The following ZFHX3 variants were observed in gnomAD, a reference collection of about 807,000 sequenced individuals.
ZFHX3 encodes the protein zinc finger homeobox protein 3.
A neutral mutation model predicts 279.1 loss-of-function variants in ZFHX3; 42 were observed. The observed-to-expected ratio is 0.15, with a 90% CI of 0.12 to 0.19. The LOEUF (loss-of-function observed/expected upper bound fraction) is 0.19. Ranked by LOEUF, ZFHX3 falls within the 10% of genes least tolerant of loss-of-function variation. The pLI is 1.00. For synonymous variants in ZFHX3, 2,293 were observed against 1,957.8 expected, an observed-to-expected ratio of 1.17 and a Z score of -4.52; for missense variants, 4,981 against 4,754.0, an observed-to-expected ratio of 1.05 and a Z score of -1.40.
At chr16:73,501,643 G>A (rs1342460647) in intron 2 of ZFHX3, among the ~76,000 whole-genome samples, 1 of 152,150 alleles carries the variant, frequency 6.6e-6, no homozygotes, top group Non-Finnish European at 1.5e-5. Flanking sequence ...GAAGAATTCC[G>A]CTGAAGACAC....
chr16:72,983,716 AAAAG>A (rs956962458), intron 1 of ZFHX3, among the ~76,000 whole-genome samples: 12 of 148,816 alleles, frequency 8.1e-5, no homozygotes, highest in African/African-American at 1.2e-4. Context: ...CAGAAAAAAA[AAAAG>A]AGAGAGAGAG....
chr16:73,255,176 G>T (rs2013629238), intron 5 of ZFHX3, among the ~76,000 whole-genome samples: 1 of 152,206 alleles, frequency 6.6e-6, no homozygotes, highest in Non-Finnish European at 1.5e-5. Flanking sequence ...ATGCTCAACG[G>T]CTAGGATCAT....
chr16:72,855,767 G>GAA (rs1255898955), intron 4 of ZFHX3, among the ~76,000 whole-genome samples: 1 of 152,158 alleles, frequency 6.6e-6, no homozygotes, highest in Non-Finnish European at 1.5e-5. Flanking sequence ...TCCAGCACGT[G>GAA]AAGAAGCTTA....
At chr16:72,903,036 C>T (rs938865342) in intron 3 of ZFHX3, among the ~76,000 whole-genome samples, 1 of 152,118 alleles carries the variant, frequency 6.6e-6, no homozygotes, top group African/African-American at 2.4e-5. Flanking sequence ...CCCGGTACTG[C>T]AGGAGTCTGA....
intron 2 of ZFHX3, among the ~76,000 whole-genome samples, chr16:73,610,469 C>A (rs1567532624): frequency 6.6e-6 from 1 of 152,174 alleles, no homozygotes; most frequent in Non-Finnish European, 1.5e-5. Flanking sequence ...TCATACATTT[C>A]TTGCTCTGAA....
chr16:73,486,202 T>C (rs2018970946), intron 2 of ZFHX3, among the ~76,000 whole-genome samples: 1 of 152,192 alleles, frequency 6.6e-6, no homozygotes, highest in Non-Finnish European at 1.5e-5. Context: ...GGAAATATCC[T>C]CTCCATTTAC....
At chr16:73,069,105 C>T (rs957521920) in intron 8 of ZFHX3, among the ~76,000 whole-genome samples, 2 of 152,224 alleles carry the variant, frequency 1.3e-5, no homozygotes, top group African/African-American at 4.8e-5. Flanking sequence ...CTGGGCAGGA[C>T]TGGCCAGGCC....
At chr16:73,609,031 A>G (rs2052219252) in intron 2 of ZFHX3, 1 of 152,148 alleles carries the variant, frequency 6.6e-6, no homozygotes, top group African/African-American at 2.4e-5. Context: ...TTACTCATAA[A>G]CTTTGTAACA....
Position 73,807,620 on chromosome 16 carries a change from A to ATTTTTT in ZFHX3, c.-1608+84025_-1608+84030dup, listed in dbSNP as rs55806545. Among the ~76,000 whole-genome samples the ATTTTTT allele has an allele frequency of 2.9e-3, 203 of 70,564 alleles. 6 individuals are homozygous for ATTTTTT. The highest frequency in any genetic ancestry group is 8.8e-3 in the African/African-American group (161 of 18,258). The allele number at this position is 70,564 out of a possible 152,430, so 46.3% of individuals were successfully genotyped here. A position where few individuals can be genotyped will look rare whatever the true frequency, so the allele number is the denominator to read the frequency against. ...TACAGGCACATTCCACCATGCCCCA[A>ATTTTTT]TTTTTTTTTTTTTTTTTTTTTTTTT... On this transcript the variant is annotated intron_variant, in intron 1 of 17. Coordinates refer to the ZFHX3 transcript ENST00000641206.
intron 7 of ZFHX3, chr16:73,098,680 C>T (rs1160316565): frequency 1.3e-5 from 2 of 152,052 alleles, no homozygotes; most frequent in African/African-American, 2.4e-5. Flanking sequence ...ATGTTTTGAC[C>T]ATCACATTTT....
chr16:73,704,779 C>G (rs1175023010), intron 1 of ZFHX3, among the ~76,000 whole-genome samples: 1 of 152,180 alleles, frequency 6.6e-6, no homozygotes, highest in Non-Finnish European at 1.5e-5. Flanking sequence ...AAGCCAGTTA[C>G]CACTAGAGGA....
chr16:72,834,292 T>C (rs543292806), intron 4 of ZFHX3, among the ~76,000 whole-genome samples: 3 of 152,198 alleles, frequency 2.0e-5, no homozygotes, highest in Non-Finnish European at 4.4e-5. Context: ...ACCTCCTTTT[T>C]ACAACTGCTT....
chr16:73,890,261 A>C (rs966888100), intron 1 of ZFHX3, among the ~76,000 whole-genome samples: 7 of 151,854 alleles, frequency 4.6e-5, no homozygotes, highest in South Asian at 4.2e-4. Flanking sequence ...AAAACAACAA[A>C]AAAAAACCTC....
chr16:72,854,922 A>C (rs556606539), intron 4 of ZFHX3, among the ~76,000 whole-genome samples: 10 of 89,798 alleles, frequency 1.1e-4, no homozygotes, highest in African/African-American at 4.6e-4. Context: ...TAGAAATTAA[A>C]ACACAAATTG....
intron 5 of ZFHX3, among the ~76,000 whole-genome samples, chr16:72,824,989 T>C (rs1259431109): frequency 1.3e-5 from 2 of 152,118 alleles, no homozygotes; most frequent in Non-Finnish European, 2.9e-5. Context: ...CCCACAGGAG[T>C]ACATCACACT....
intron 1 of ZFHX3, among the ~76,000 whole-genome samples, chr16:73,706,027 G>A (rs112188010): frequency 3.3e-5 from 5 of 152,202 alleles, no homozygotes; most frequent in African/African-American, 1.2e-4. Flanking sequence ...GGAGTTGGCC[G>A]GACACAGTGA....
intron 3 of ZFHX3, among the ~76,000 whole-genome samples, chr16:73,423,876 AAAGTG>A (rs1199123765): frequency 6.6e-6 from 1 of 151,148 alleles, no homozygotes; most frequent in Non-Finnish European, 1.5e-5. Context: ...AAAAAAAAAA[AAAGTG>A]AGAGAGATCT....
At chr16:73,065,423 C>G (rs1965735708) in intron 8 of ZFHX3, among the ~76,000 whole-genome samples, 1 of 152,024 alleles carries the variant, frequency 6.6e-6, no homozygotes, top group Non-Finnish European at 1.5e-5. Context: ...TAAAAAGGAA[C>G]CTATGCCGTG....
rs919243171 is a variant in ZFHX3, at chr16:72,853,485, T to C, written c.3449-23626A>G. On this transcript the variant is annotated intron_variant, in intron 4 of 9. Coordinates refer to ENST00000268489, the MANE Select transcript of ZFHX3 (RefSeq NM_006885.4). ...AACTACCTTCTGGTGCAGTAATTACTGCTTTCCCCTTCAAACTTCTAACTG... is the reference window on the plus strand; with the variant it reads ...AACTACCTTCTGGTGCAGTAATTACCGCTTTCCCCTTCAAACTTCTAACTG... 5.3e-5 allele frequency among the ~76,000 whole-genome samples: 8 copies of C among 152,266 alleles called. 1 individual carries two copies. Among genetic ancestry groups the C allele is most frequent in the African/African-American group, 1.9e-4 (8 of 41,470 alleles).
Sources: allele counts gnomAD v4.1 joint callset (sites outside exome capture counted in the v4.1 genomes callset), GRCh38; gene constraint gnomAD v4.1.1; transcripts MANE v1.5; gene names NCBI Gene and HGNC (gene_info 2026-07-23, HGNC 2026-07-21).